The following DPYD variants were observed in gnomAD, a reference collection of about 807,000 sequenced individuals.
The protein encoded by DPYD is dihydropyrimidine dehydrogenase.
A neutral mutation model predicts 116.2 loss-of-function variants in DPYD; 109 were observed. That is an observed-to-expected ratio of 0.94 (90% CI 0.80 to 1.10). DPYD has a LOEUF of 1.10. Among genes scored for constraint, DPYD ranks in the 50% least tolerant of loss-of-function variants. DPYD has a pLI of 0.00. For synonymous variants in DPYD, 440 were observed against 432.0 expected (o/e 1.02, Z -0.23); for missense variants, 1,302 against 1,254.5 (o/e 1.04, Z -0.57).
chr1:97,844,268 T>C (rs565199194), intron 2 of DPYD, among the ~76,000 whole-genome samples: 1 of 152,334 alleles, frequency 6.6e-6, no homozygotes, highest in African/African-American at 2.4e-5. Context: ...ACACAGCTCC[T>C]ATAAGCTTTG....
chr1:97,916,973 T>C (rs193180505), intron 1 of DPYD, among the ~76,000 whole-genome samples: 124 of 152,280 alleles, frequency 8.1e-4, no homozygotes, highest in African/African-American at 2.9e-3. Flanking sequence ...ACATTTCTAC[T>C]ATCCAGCTAA....
chr1:97,914,280 T>A (rs1674111058), intron 1 of DPYD, among the ~76,000 whole-genome samples: 1 of 152,106 alleles, frequency 6.6e-6, no homozygotes, highest in South Asian at 2.1e-4. Context: ...GCTAAAAGAG[T>A]TATTCATAAG....
intron 3 of DPYD, 88 bp from the exon 4 acceptor site, chr1:97,740,567 A>G: frequency 9.1e-7 from 1 of 1,101,196 alleles, no homozygotes; most frequent in Non-Finnish European, 1.4e-6. Flanking sequence ...GTCCGTGTCT[A>G]GTAAGTATAA....
At chr1:97,383,254 A>G (rs991412740) in intron 14 of DPYD, among the ~76,000 whole-genome samples, 1 of 152,104 alleles carries the variant, frequency 6.6e-6, no homozygotes, top group African/African-American at 2.4e-5. Flanking sequence ...AGGCGGGTGG[A>G]TCACTTGAGG....
chr1:97,540,236 C>T (rs1650324438), intron 12 of DPYD, among the ~76,000 whole-genome samples: 1 of 149,242 alleles, frequency 6.7e-6, no homozygotes, highest in Non-Finnish European at 1.5e-5. Flanking sequence ...TTTACCTGTG[C>T]TTCTGACCAA....
At chr1:97,876,796 C>T (rs151235197) in intron 2 of DPYD, among the ~76,000 whole-genome samples, 4 of 152,004 alleles carry the variant, frequency 2.6e-5, no homozygotes, top group African/African-American at 4.8e-5. Context: ...TTAGAAGTCA[C>T]GTTTTCAGAA....
At chr1:97,289,207 C>T (rs1392805968) in intron 18 of DPYD, among the ~76,000 whole-genome samples, 2 of 152,018 alleles carry the variant, frequency 1.3e-5, no homozygotes, top group East Asian at 1.9e-4. Context: ...AGCTTACCAA[C>T]CAAAAAGAGT....
At chr1:97,473,557 G>A (rs781176881) in intron 13 of DPYD, among the ~76,000 whole-genome samples, 1 of 152,116 alleles carries the variant, frequency 6.6e-6, no homozygotes, top group Admixed American at 6.5e-5. Flanking sequence ...CCAATCACCA[G>A]GGGAATGCAA....
At chr1:97,903,733 T>C (rs1243486830) in intron 1 of DPYD, among the ~76,000 whole-genome samples, 1 of 151,926 alleles carries the variant, frequency 6.6e-6, no homozygotes, top group Non-Finnish European at 1.5e-5. Context: ...AACTAAGAAA[T>C]CCAAATATCT....
At chr1:97,539,639 T>C (rs958566132) in intron 12 of DPYD, among the ~76,000 whole-genome samples, 1 of 152,146 alleles carries the variant, frequency 6.6e-6, no homozygotes, top group Admixed American at 6.6e-5. Context: ...AAAAGAATAA[T>C]GACACGGCAA....
chr1:97,265,716 T>C (rs1664183933), intron 18 of DPYD, among the ~76,000 whole-genome samples: 1 of 152,222 alleles, frequency 6.6e-6, no homozygotes, highest in South Asian at 2.1e-4. Flanking sequence ...GAGATAAATG[T>C]GACCTTTTAA....
At chr1:97,162,963 C>T (rs1447514936) in intron 20 of DPYD, among the ~76,000 whole-genome samples, 1 of 151,640 alleles carries the variant, frequency 6.6e-6, no homozygotes, top group African/African-American at 2.4e-5. Flanking sequence ...TTCCTTACAC[C>T]TTATACAAAA....
chr1:97,894,909 G>GT (rs1285392304), intron 1 of DPYD, among the ~76,000 whole-genome samples: 1 of 151,650 alleles, frequency 6.6e-6, no homozygotes. Flanking sequence ...TAGAAAATGT[G>GT]TAACTATGAA....
intron 13 of DPYD, among the ~76,000 whole-genome samples, chr1:97,479,557 G>A (rs568116758): frequency 6.6e-6 from 1 of 152,218 alleles, no homozygotes; most frequent in East Asian, 1.9e-4. Context: ...AGACATAATA[G>A]TACTAAAAAA....
At chr1:97,489,931 T>C (rs1678873764) in intron 13 of DPYD, among the ~76,000 whole-genome samples, 1 of 152,292 alleles carries the variant, frequency 6.6e-6, no homozygotes, top group South Asian at 2.1e-4. Context: ...ACCTATAATA[T>C]TTTTTGAGGA....
chr1:97,419,918 T>C (rs1230628666), intron 14 of DPYD: 2 of 152,228 alleles, frequency 1.3e-5, no homozygotes, highest in Non-Finnish European at 2.9e-5. Context: ...TATTTTCCTT[T>C]ATTCTCGCAT....
intron 1 of DPYD, among the ~76,000 whole-genome samples, chr1:97,910,133 G>A (rs1342409033): frequency 1.3e-5 from 2 of 151,786 alleles, no homozygotes; most frequent in Non-Finnish European, 2.9e-5. Context: ...CATTTTCTTG[G>A]TTTATTTTTA....
chr1:97,405,834 A>G (rs1673626146), intron 14 of DPYD, among the ~76,000 whole-genome samples: 1 of 152,114 alleles, frequency 6.6e-6, no homozygotes, highest in Non-Finnish European at 1.5e-5. Context: ...TACTTCAAAT[A>G]TTTAACTCCA....
chr1:97,534,117 T>C (rs1378612143), intron 12 of DPYD, among the ~76,000 whole-genome samples: 2 of 152,188 alleles, frequency 1.3e-5, no homozygotes, highest in Admixed American at 6.5e-5. Flanking sequence ...TGCCTACATA[T>C]GGCAGGCATT....
Sources: allele counts gnomAD v4.1 joint callset (sites outside exome capture counted in the v4.1 genomes callset), GRCh38; gene constraint gnomAD v4.1.1; transcripts MANE v1.5; gene names NCBI Gene and HGNC (gene_info 2026-07-23, HGNC 2026-07-21).